The following IGF2BP2 variants were observed in gnomAD, a reference collection of about 807,000 sequenced individuals.
The protein encoded by IGF2BP2 is insulin like growth factor 2 mRNA binding protein 2, also known as insulin-like growth factor 2 mRNA-binding protein 2.
A neutral mutation model predicts 75.8 loss-of-function variants in IGF2BP2; 17 were observed. The ratio of observed to expected loss-of-function variants is 0.22; its 90% CI spans 0.15 to 0.34. The LOEUF (loss-of-function observed/expected upper bound fraction) is 0.34. IGF2BP2 is among the 10% of genes least tolerant of loss of function. IGF2BP2 has a pLI of 1.00. For synonymous variants in IGF2BP2, 288 were observed against 295.6 expected (o/e 0.97, Z 0.26); for missense variants, 516 against 772.4 (o/e 0.67, Z 3.93).
intron 6 of IGF2BP2, among the ~76,000 whole-genome samples, chr3:185,688,225 T>C (rs1487407279): frequency 2.0e-5 from 3 of 152,230 alleles, no homozygotes; most frequent in African/African-American, 4.8e-5. Context: ...TAAATAATTA[T>C]TATGTGTCAG....
At chr3:185,793,902 G>A (rs1736973260) in intron 2 of IGF2BP2, among the ~76,000 whole-genome samples, 1 of 150,862 alleles carries the variant, frequency 6.6e-6, no homozygotes, top group African/African-American at 2.4e-5. Context: ...GTAGATTGAA[G>A]ATACTGATTG....
chr3:185,754,101 T>G (rs1560415508), intron 2 of IGF2BP2, among the ~76,000 whole-genome samples: 1 of 151,650 alleles, frequency 6.6e-6, no homozygotes, highest in African/African-American at 2.4e-5. Context: ...CCCAGCTACT[T>G]GGGAGGCTGA....
chr3:185,742,495 C>A (rs933797992), intron 2 of IGF2BP2, among the ~76,000 whole-genome samples: 2 of 150,208 alleles, frequency 1.3e-5, no homozygotes, highest in South Asian at 2.1e-4. Context: ...GACTCCATTT[C>A]GAAAAAAAAA....
At chr3:185,658,229 C>T in intron 11 of IGF2BP2, 112 bp downstream of exon 11, 1 of 1,076,046 alleles carries the variant, frequency 9.3e-7, no homozygotes, top group Non-Finnish European at 1.4e-6. Flanking sequence ...CAGGACAAAC[C>T]AGAACCACAG....
intron 2 of IGF2BP2, among the ~76,000 whole-genome samples, chr3:185,799,323 A>G (rs937505089): frequency 2.1e-4 from 32 of 152,176 alleles, no homozygotes; most frequent in African/African-American, 7.7e-4. Flanking sequence ...GCTTGAGCCC[A>G]GAAGGCGGAG....
intron 2 of IGF2BP2, among the ~76,000 whole-genome samples, chr3:185,765,188 A>G (rs1732882479): frequency 6.6e-6 from 1 of 152,148 alleles, no homozygotes; most frequent in South Asian, 2.1e-4. Flanking sequence ...AAGCTGCCAA[A>G]GCTCTGGCGT....
intron 2 of IGF2BP2, chr3:185,713,337 CA>C (rs1419455935): frequency 2.0e-6 from 1 of 495,316 alleles, no homozygotes; most frequent in Non-Finnish European, 4.0e-6. Context: ...CCCATTTTCA[CA>C]TTTTTAAAAT....
intron 2 of IGF2BP2, among the ~76,000 whole-genome samples, chr3:185,761,387 T>G (rs1027776465): frequency 1.3e-5 from 2 of 152,156 alleles, no homozygotes; most frequent in Non-Finnish European, 1.5e-5. Context: ...ATGGAAGGTA[T>G]CACTCCGGGG....
intron 12 of IGF2BP2, among the ~76,000 whole-genome samples, chr3:185,654,829 G>T (rs964031759): frequency 2.0e-5 from 3 of 152,204 alleles, no homozygotes; most frequent in African/African-American, 4.8e-5. Context: ...CTGTTCTACA[G>T]GAAAGGCAGG....
chr3:185,748,813 T>C (rs1578182890), intron 2 of IGF2BP2, among the ~76,000 whole-genome samples: 1 of 152,250 alleles, frequency 6.6e-6, no homozygotes, highest in South Asian at 2.1e-4. Context: ...CAAGGTCCCC[T>C]TATCAGCCAT....
chr3:185,674,252 T>A (rs1178250515), intron 9 of IGF2BP2, among the ~76,000 whole-genome samples: 3 of 152,138 alleles, frequency 2.0e-5, no homozygotes, highest in African/African-American at 4.8e-5. Context: ...GGAAAGTGGA[T>A]GTGGATGAGG....
intron 7 of IGF2BP2, among the ~76,000 whole-genome samples, chr3:185,677,348 T>C (rs1403357409): frequency 6.6e-6 from 1 of 151,602 alleles, no homozygotes; most frequent in Non-Finnish European, 1.5e-5. Flanking sequence ...CAGAAGCTGC[T>C]GAAAACAGAG....
chr3:185,793,184 G>T (rs533073522), intron 2 of IGF2BP2, among the ~76,000 whole-genome samples: 1 of 152,230 alleles, frequency 6.6e-6, no homozygotes, highest in South Asian at 2.1e-4. Context: ...ACACTCTGCA[G>T]GGGAAAAAAG....
In IGF2BP2 at chr3:185,645,399, G is replaced by T. The variant is rs1216326501; in HGVS notation, c.*132C>A. 3.0e-6 allele frequency: 2 copies of T among 659,306 alleles called. No individual in the cohort carries two copies. The highest frequency in any genetic ancestry group is 1.8e-5 in the African/African-American group (1 of 55,274). 40.8% of individuals were successfully genotyped at this position (659,306 alleles called of 1,614,324 possible). ...CAGGGCCTCGGCAGAGTCCCTGGCCGCCTCCGCAGACTTCTCATTCCTCAG... is the reference window on the plus strand; with the variant it reads ...CAGGGCCTCGGCAGAGTCCCTGGCCTCCTCCGCAGACTTCTCATTCCTCAG... On this transcript the variant is annotated 3_prime_UTR_variant, in exon 16 of 16. Transcript: ENST00000382199. This position sits in a 1 kb window ranked among gnomAD's most constrained non-coding sequence, Gnocchi z 4.9.
intron 2 of IGF2BP2, among the ~76,000 whole-genome samples, chr3:185,760,268 C>T (rs545620308): frequency 4.6e-4 from 70 of 152,124 alleles, no homozygotes; most frequent in Non-Finnish European, 8.1e-4. Flanking sequence ...GGTTATGACA[C>T]GTCCCCTGAG....
At chr3:185,663,620 CA>C (rs1230793288) in intron 10 of IGF2BP2, among the ~76,000 whole-genome samples, 1 of 151,894 alleles carries the variant, frequency 6.6e-6, no homozygotes, top group Non-Finnish European at 1.5e-5. Flanking sequence ...ATGAAGAAAT[CA>C]GGGGGTGGGA....
intron 2 of IGF2BP2, among the ~76,000 whole-genome samples, chr3:185,811,830 G>GTCTGTCTCTC (rs1739881258): frequency 1.7e-5 from 2 of 120,694 alleles, no homozygotes; most frequent in Non-Finnish European, 3.5e-5. Context: ...AGAGTAGGGT[G>GTCTGTCTCTC]TCTCTCTCTC....
rs536244665 is a variant in IGF2BP2, at chr3:185,654,007, C to T, written c.1387-1839G>A. The stretch of plus-strand genomic sequence containing the variant: ...GTTTCCTCTCAGTGTGTGCTATAAG[C>T]CAGCTTCCATCCATGGGCCTCAGGA... On this transcript the variant is annotated intron_variant, in intron 12 of 15. Coordinates refer to ENST00000382199, the MANE Select transcript of IGF2BP2 (RefSeq NM_006548.6). 2.0e-5 allele frequency among the ~76,000 whole-genome samples: 3 copies of T among 152,312 alleles called. No homozygotes were observed. In the South Asian group the frequency reaches 6.2e-4, roughly 32 times the overall value.
At chr3:185,757,911 C>T (rs1196673003) in intron 2 of IGF2BP2, among the ~76,000 whole-genome samples, 2 of 152,192 alleles carry the variant, frequency 1.3e-5, no homozygotes. Flanking sequence ...CTGACCTGCC[C>T]GTGACAACAG....
Sources: allele counts gnomAD v4.1 joint callset (sites outside exome capture counted in the v4.1 genomes callset), GRCh38; gene constraint gnomAD v4.1.1; non-coding constraint Gnocchi (gnomAD v3.1); transcripts MANE v1.5; gene names NCBI Gene and HGNC (gene_info 2026-07-23, HGNC 2026-07-21).